The following ADGRL3 variants were observed in gnomAD, a reference collection of about 807,000 sequenced individuals.
ADGRL3 encodes the protein calcium-independent alpha-latrotoxin receptor 3.
Under a neutral mutation model 153.5 loss-of-function variants are expected in ADGRL3, and 62 were observed. The observed-to-expected ratio is 0.40, with a 90% CI of 0.33 to 0.50. ADGRL3 has a LOEUF of 0.50. ADGRL3 is among the 20% of genes least tolerant of loss of function. ADGRL3 has a pLI of 0.47. For synonymous variants in ADGRL3, 710 were observed against 672.5 expected, an observed-to-expected ratio of 1.06 and a Z score of -0.86; for missense variants, 1,641 against 1,859.4, an observed-to-expected ratio of 0.88 and a Z score of 2.16.
intron 6 of ADGRL3, among the ~76,000 whole-genome samples, chr4:61,726,720 C>A (rs751046186): frequency 6.6e-6 from 1 of 152,008 alleles, no homozygotes; most frequent in African/African-American, 2.4e-5. Context: ...GAAAATCATT[C>A]TTTTAACAAT....
intron 1 of ADGRL3, among the ~76,000 whole-genome samples, chr4:61,236,983 C>G (rs1275832972): frequency 6.6e-6 from 1 of 152,096 alleles, no homozygotes; most frequent in Non-Finnish European, 1.5e-5. Flanking sequence ...CATATGAATT[C>G]ACGTATAATG....
chr4:61,670,398 T>G (rs975628070), intron 5 of ADGRL3, among the ~76,000 whole-genome samples: 1 of 152,158 alleles, frequency 6.6e-6, no homozygotes, highest in Non-Finnish European at 1.5e-5. Context: ...TTTTTAAAAA[T>G]ATAGTTATGT....
At chr4:61,433,682 T>A (rs1186950802) in intron 2 of ADGRL3, among the ~76,000 whole-genome samples, 1 of 152,196 alleles carries the variant, frequency 6.6e-6, no homozygotes, top group Non-Finnish European at 1.5e-5. Context: ...AAGTACTGAA[T>A]CTGTGTCACT....
intron 2 of ADGRL3, among the ~76,000 whole-genome samples, chr4:61,414,819 G>A (rs1174716791): frequency 6.6e-6 from 1 of 151,696 alleles, no homozygotes; most frequent in Non-Finnish European, 1.5e-5. Context: ...GTCTTGTAAA[G>A]GACATAATCA....
chr4:61,513,713 TA>T (rs2098476024), intron 3 of ADGRL3, among the ~76,000 whole-genome samples: 2 of 152,122 alleles, frequency 1.3e-5, no homozygotes. Context: ...ATTTAAAAGT[TA>T]AAACTTTAAA....
chr4:61,636,232 AAATTAC>A lies in ADGRL3; in HGVS notation c.474-40590_474-40585del, dbSNP rs561898662. On this transcript the variant is annotated intron_variant, in intron 5 of 26. Transcript: ENST00000683033. ...TACACAATGCTCACATTCACTAAAA[AAATTAC>A]AATACACAAAAAAGCAGGAAAATAT... 2.6e-4 allele frequency among the ~76,000 whole-genome samples: 40 copies of A among 152,298 alleles called. No individual in the cohort carries two copies. The South Asian group carries it at 8.1e-3, about 31-fold the overall frequency.
At chr4:61,595,577 A>C (rs2098985638) in intron 5 of ADGRL3, among the ~76,000 whole-genome samples, 1 of 152,078 alleles carries the variant, frequency 6.6e-6, no homozygotes, top group Non-Finnish European at 1.5e-5. Flanking sequence ...TCTCTCCTTT[A>C]GCAGAAGGAA....
rs771732117 is a variant in ADGRL3 at position 61,280,107 on chromosome 4, C to CTTTTTTTTTTTTTTTTT, written c.-240+78347_-240+78348insTTTTTTTTTTTTTTTTT. ...AAAGTATTTTCTTTTCTTTTCTTTT[C>CTTTTTTTTTTTTTTTTT]TTTTTCTTTTTTTTTTTTTTGAGAC... On this transcript the variant is annotated intron_variant, in intron 1 of 26. Coordinates refer to ENST00000683033, the MANE Select transcript of ADGRL3 (RefSeq NM_001387552.1). Among the ~76,000 whole-genome samples the CTTTTTTTTTTTTTTTTT allele has an allele frequency of 5.3e-5, 5 of 94,666 alleles. 1 individual carries two copies. The highest frequency in any genetic ancestry group is 4.1e-5 in the Non-Finnish European group (2 of 49,294). 62.1% of individuals were successfully genotyped at this position (94,666 alleles called of 152,430 possible).
chr4:61,312,605 C>G (rs978661360), intron 1 of ADGRL3, among the ~76,000 whole-genome samples: 2 of 152,140 alleles, frequency 1.3e-5, no homozygotes, highest in African/African-American at 4.8e-5. Context: ...CAACTCACCA[C>G]AGAAGATATA....
chr4:61,286,429 A>AT (rs1387235535), intron 1 of ADGRL3, among the ~76,000 whole-genome samples: 6 of 151,296 alleles, frequency 4.0e-5, no homozygotes, highest in African/African-American at 7.3e-5. Context: ...AAGGATGTTG[A>AT]TTTTTTATAG....
At chr4:61,760,694 G>A (rs564075153) in intron 8 of ADGRL3, among the ~76,000 whole-genome samples, 3 of 152,204 alleles carry the variant, frequency 2.0e-5, no homozygotes, top group Non-Finnish European at 4.4e-5. Context: ...TCCCCAGTGA[G>A]ATGAGCCTGG....
chr4:61,312,630 G>T (rs1489618491), intron 1 of ADGRL3, among the ~76,000 whole-genome samples: 1 of 152,068 alleles, frequency 6.6e-6, no homozygotes, highest in Non-Finnish European at 1.5e-5. Flanking sequence ...TAAAAAATAA[G>T]CATACTTAAC....
intron 1 of ADGRL3, among the ~76,000 whole-genome samples, chr4:61,315,822 C>A (rs1362060405): frequency 1.3e-5 from 2 of 152,144 alleles, no homozygotes; most frequent in African/African-American, 2.4e-5. Context: ...TTCTTGGCAA[C>A]AAGTTAAATG....
intron 2 of ADGRL3, among the ~76,000 whole-genome samples, chr4:61,451,724 G>A (rs1290720943): frequency 2.0e-5 from 3 of 152,116 alleles, no homozygotes; most frequent in East Asian, 3.9e-4. Context: ...ACCTGCCTCT[G>A]TGTATGCATA....
At chr4:61,606,913 A>G (rs1290617702) in intron 5 of ADGRL3, among the ~76,000 whole-genome samples, 1 of 152,018 alleles carries the variant, frequency 6.6e-6, no homozygotes, top group African/African-American at 2.4e-5. Flanking sequence ...GAGAAGGGAA[A>G]CTGAATTGAG....
chr4:61,414,135 G>T (rs566201129), intron 2 of ADGRL3, among the ~76,000 whole-genome samples: 117 of 152,280 alleles, frequency 7.7e-4, no homozygotes, highest in Middle Eastern at 3.4e-3. Flanking sequence ...TATCTCAGGA[G>T]TCACTATTAG....
chr4:61,824,054 TC>T (rs2097779185), intron 9 of ADGRL3, among the ~76,000 whole-genome samples: 1 of 110,786 alleles, frequency 9.0e-6, no homozygotes, highest in Non-Finnish European at 1.7e-5. Flanking sequence ...AGAGCGAGAA[TC>T]CGTCTCAAAA....
At chr4:61,438,726 T>TA (rs1553929888) in intron 2 of ADGRL3, among the ~76,000 whole-genome samples, 1 of 147,268 alleles carries the variant, frequency 6.8e-6, no homozygotes, top group Non-Finnish European at 1.5e-5. Flanking sequence ...TTTTTTTTTT[T>TA]AGACGGAGTC....
chr4:61,282,367 TG>T (rs1293847028), intron 1 of ADGRL3, among the ~76,000 whole-genome samples: 1 of 152,098 alleles, frequency 6.6e-6, no homozygotes, highest in African/African-American at 2.4e-5. Flanking sequence ...GACTCTATAA[TG>T]AGATTTTATA....
Sources: gnomAD v4.1 joint callset for allele counts (sites outside exome capture counted in the v4.1 genomes callset) on GRCh38, gnomAD v4.1.1 for gene constraint, MANE v1.5 for transcripts, NCBI Gene and HGNC (gene_info 2026-07-23, HGNC 2026-07-21) for gene names.